NRXN3: variants seen among roughly 807,000 people sequenced by gnomAD.
NRXN3 encodes neurexin 3.
Under a neutral mutation model 137.6 loss-of-function variants are expected in NRXN3, and 32 were observed. The observed-to-expected ratio is 0.23, with a 90% confidence interval of 0.18 to 0.31. The LOEUF (loss-of-function observed/expected upper bound fraction) is 0.31. Ranked by LOEUF, NRXN3 falls within the 10% of genes least tolerant of loss-of-function variation. The pLI, the probability that NRXN3 is intolerant of heterozygous loss-of-function variation, is 1.00. For missense variants in NRXN3, 1,574 were observed against 2,062.5 expected (o/e 0.76, Z 4.59); for synonymous variants, 798 against 784.5 (o/e 1.02, Z -0.29).
intron 20 of NRXN3, among the ~76,000 whole-genome samples, chr14:79,833,831 G>A (rs1267028098): frequency 6.6e-6 from 1 of 152,078 alleles, no homozygotes; most frequent in Non-Finnish European, 1.5e-5. Flanking sequence ...TAGCTAAATT[G>A]AATAATTATG....
chr14:79,839,666 T>A (rs2099351667), intron 20 of NRXN3, among the ~76,000 whole-genome samples: 1 of 152,192 alleles, frequency 6.6e-6, no homozygotes, highest in Non-Finnish European at 1.5e-5. Context: ...TGTGTCTATT[T>A]TTGCTTTTGT....
intron 8 of NRXN3, chr14:78,753,887 C>G (rs2098655196): frequency 6.6e-6 from 1 of 152,162 alleles, no homozygotes; most frequent in Non-Finnish European, 1.5e-5. Flanking sequence ...TCACTTACCA[C>G]CTTTTCTTGG....
chr14:79,469,718 A>C (rs1227410703), intron 16 of NRXN3, among the ~76,000 whole-genome samples: 1 of 152,166 alleles, frequency 6.6e-6, no homozygotes, highest in African/African-American at 2.4e-5. Context: ...AGAAAAAAGG[A>C]AAAAAGGATC....
intron 2 of NRXN3, among the ~76,000 whole-genome samples, chr14:78,255,938 C>G (rs1390182377): frequency 6.6e-6 from 1 of 152,208 alleles, no homozygotes; most frequent in Non-Finnish European, 1.5e-5. Flanking sequence ...CCAATCGGAC[C>G]ACACTGGCCA....
At chr14:78,715,211 G>T in intron 8 of NRXN3, 72 bp downstream of exon 8, 1 of 1,546,812 alleles carries the variant, frequency 6.5e-7, no homozygotes, top group Admixed American at 1.7e-5. Flanking sequence ...TCCCTGGGCA[G>T]CCCAAGCCTT....
At chr14:78,615,496 A>C (rs956511631) in intron 4 of NRXN3, among the ~76,000 whole-genome samples, 1 of 151,664 alleles carries the variant, frequency 6.6e-6, no homozygotes, top group East Asian at 1.9e-4. Context: ...CTGTAGTCCC[A>C]GCTACTTGGG....
chr14:78,725,748 G>A (rs751752602), intron 8 of NRXN3, among the ~76,000 whole-genome samples: 1 of 152,186 alleles, frequency 6.6e-6, no homozygotes, highest in African/African-American at 2.4e-5. Context: ...GGACCTCTGA[G>A]GTTTTTGAGT....
intron 15 of NRXN3, among the ~76,000 whole-genome samples, chr14:79,254,811 T>TGCCTGCCTCCCTCCCC (rs2076371445): frequency 7.9e-6 from 1 of 126,902 alleles, no homozygotes; most frequent in African/African-American, 2.9e-5. Flanking sequence ...CCTCCCTCCC[T>TGCCTGCCTCCCTCCCC]CCCTCCCTTC....
chr14:79,282,296 C>T (rs577006596), intron 15 of NRXN3, among the ~76,000 whole-genome samples: 33 of 152,196 alleles, frequency 2.2e-4, no homozygotes, highest in African/African-American at 8.0e-4. Context: ...CATAATTAAA[C>T]ACGGAAATGC....
chr14:79,162,320 G>A (rs912181928), intron 15 of NRXN3, among the ~76,000 whole-genome samples: 2 of 138,282 alleles, frequency 1.4e-5, no homozygotes, highest in East Asian at 2.2e-4. Context: ...AGTCCCCAGA[G>A]TGTGATGTTC....
intron 16 of NRXN3, among the ~76,000 whole-genome samples, chr14:79,537,146 A>C (rs1176499383): frequency 6.6e-6 from 1 of 151,932 alleles, no homozygotes; most frequent in African/African-American, 2.4e-5. Flanking sequence ...TTTAATAATC[A>C]CCATTCTGAC....
chr14:79,081,382 G>A (rs1044635640), intron 15 of NRXN3, among the ~76,000 whole-genome samples: 7 of 152,140 alleles, frequency 4.6e-5, no homozygotes, highest in South Asian at 2.1e-4. Context: ...TTGGGAGGCC[G>A]AGGCGGGCAG....
intron 4 of NRXN3, among the ~76,000 whole-genome samples, chr14:78,542,487 C>T (rs1462484388): frequency 6.6e-6 from 1 of 152,232 alleles, no homozygotes; most frequent in Non-Finnish European, 1.5e-5. Context: ...GTGTGTGACC[C>T]ATCGAGCCAG....
intron 16 of NRXN3, among the ~76,000 whole-genome samples, chr14:79,536,595 T>C (rs1192689083): frequency 3.3e-5 from 5 of 152,214 alleles, no homozygotes; most frequent in South Asian, 2.1e-4. Flanking sequence ...TAACTATTTA[T>C]CCTGATGCTC....
At chr14:79,624,217 A>G (rs1432130720) in intron 16 of NRXN3, among the ~76,000 whole-genome samples, 1 of 152,180 alleles carries the variant, frequency 6.6e-6, no homozygotes, top group East Asian at 1.9e-4. Context: ...TTGTCCCCTC[A>G]CAGGGAGCTC....
At chr14:79,017,395 C>G (rs1306086094) in intron 15 of NRXN3, among the ~76,000 whole-genome samples, 1 of 151,794 alleles carries the variant, frequency 6.6e-6, no homozygotes, top group East Asian at 1.9e-4. Flanking sequence ...CTACCCCTCC[C>G]TCATAGTTTT....
At chr14:78,296,090 G>T (rs1411645723) in intron 3 of NRXN3, among the ~76,000 whole-genome samples, 29 of 114,190 alleles carry the variant, frequency 2.5e-4, no homozygotes, top group African/African-American at 6.6e-4. Flanking sequence ...ACAAGGTCTT[G>T]CTCTGTCACC....
At chr14:78,594,405 T>C (rs1566840576) in intron 4 of NRXN3, among the ~76,000 whole-genome samples, 3 of 152,190 alleles carry the variant, frequency 2.0e-5, no homozygotes, top group Admixed American at 1.3e-4. Context: ...ACTACAATTC[T>C]GATCTCTGTT....
intron 15 of NRXN3, among the ~76,000 whole-genome samples, chr14:79,232,925 G>A (rs1471817025): frequency 2.6e-5 from 4 of 152,286 alleles, no homozygotes; most frequent in South Asian, 4.1e-4. Flanking sequence ...ATGCATGACT[G>A]TTTATTATGC....
Sources: gnomAD v4.1 joint callset for allele counts (sites outside exome capture counted in the v4.1 genomes callset) on GRCh38, gnomAD v4.1.1 for gene constraint, MANE v1.5 for transcripts, NCBI Gene and HGNC (gene_info 2026-07-23, HGNC 2026-07-21) for gene names.